The following PKP4 variants were observed in gnomAD, a reference collection of about 807,000 sequenced individuals.
The protein encoded by PKP4 is plakophilin-4.
PKP4 carries 90 observed loss-of-function variants against 145.1 expected under a neutral mutation model. That is an observed-to-expected ratio of 0.62 (90% CI 0.52 to 0.74). PKP4 has a LOEUF of 0.74. PKP4 is among the 30% of genes least tolerant of loss of function. The pLI, the probability that PKP4 is intolerant of heterozygous loss-of-function variation, is 0.00. For missense variants in PKP4, 1,340 were observed against 1,482.7 expected, an observed-to-expected ratio of 0.90 and a Z score of 1.58; for synonymous variants, 563 against 577.2, an observed-to-expected ratio of 0.98 and a Z score of 0.35.
At chr2:158,490,541 A>G (rs1236329000) in intron 1 of PKP4, among the ~76,000 whole-genome samples, 1 of 152,214 alleles carries the variant, frequency 6.6e-6, no homozygotes, top group Non-Finnish European at 1.5e-5. Flanking sequence ...AAGAATAGCT[A>G]ATTTGTCATA....
chr2:158,603,230 A>C (rs1352985449), intron 4 of PKP4, 126 bp downstream of exon 4: 4 of 505,114 alleles, frequency 7.9e-6, no homozygotes, highest in Non-Finnish European at 3.6e-6. Context: ...ATTGCGCTAC[A>C]TTGCTTTGGA....
At chr2:158,485,728 G>C (rs1694070003) in intron 1 of PKP4, among the ~76,000 whole-genome samples, 1 of 152,114 alleles carries the variant, frequency 6.6e-6, no homozygotes, top group Admixed American at 6.6e-5. Context: ...TGAAATTTCT[G>C]TATGCCTACT....
At chr2:158,612,115 GCACACACACACA>G (rs756189075) in intron 4 of PKP4, among the ~76,000 whole-genome samples, 2 of 148,222 alleles carry the variant, frequency 1.3e-5, no homozygotes, top group African/African-American at 4.9e-5. Context: ...CTACACAACT[GCACACACACACA>G]CACACATAAT....
chr2:158,633,697 C>G (rs1176452835), intron 8 of PKP4, among the ~76,000 whole-genome samples: 2 of 152,140 alleles, frequency 1.3e-5, no homozygotes, highest in Non-Finnish European at 2.9e-5. Flanking sequence ...GTTTTAATTA[C>G]TTACAAATTT....
At chr2:158,610,547 A>T (rs1277861284) in intron 4 of PKP4, among the ~76,000 whole-genome samples, 1 of 152,156 alleles carries the variant, frequency 6.6e-6, no homozygotes, top group Non-Finnish European at 1.5e-5. Context: ...ACACCAACTC[A>T]ATAATAAAAA....
intron 2 of PKP4, among the ~76,000 whole-genome samples, chr2:158,559,628 T>A (rs2046357650): frequency 6.6e-6 from 1 of 152,144 alleles, no homozygotes; most frequent in Non-Finnish European, 1.5e-5. Context: ...GGAAGTAAGC[T>A]TGATCTTTTC....
At chr2:158,521,717 T>C (rs2042386997) in intron 1 of PKP4, among the ~76,000 whole-genome samples, 1 of 152,212 alleles carries the variant, frequency 6.6e-6, no homozygotes, top group Non-Finnish European at 1.5e-5. Context: ...TGAAGATGTT[T>C]AACTTTTCAG....
chr2:158,554,464 T>C (rs1263698906), intron 2 of PKP4, among the ~76,000 whole-genome samples: 2 of 151,280 alleles, frequency 1.3e-5, no homozygotes, highest in Admixed American at 1.3e-4. Context: ...CTAGCTCTGT[T>C]GCCCAGGCTG....
chr2:158,679,708 G>A (rs888768929), intron 21 of PKP4, among the ~76,000 whole-genome samples: 1 of 152,208 alleles, frequency 6.6e-6, no homozygotes, highest in Non-Finnish European at 1.5e-5. Context: ...CCCTGTGTGG[G>A]TGCCCACGTG....
chr2:158,533,091 A>T, intron 1 of PKP4, 89 bp from the exon 2 acceptor site: 1 of 1,334,848 alleles, frequency 7.5e-7, no homozygotes, highest in Non-Finnish European at 1.0e-6. Flanking sequence ...ACTGTAGTCT[A>T]CTGTAGTTGC....
At chr2:158,585,461 G>A (rs1222417588) in intron 3 of PKP4, among the ~76,000 whole-genome samples, 3 of 152,196 alleles carry the variant, frequency 2.0e-5, no homozygotes, top group Middle Eastern at 3.4e-3. Flanking sequence ...TGCCCATCAG[G>A]TTTCGATTGA....
At chr2:158,584,127 C>T (rs1026133823) in intron 3 of PKP4, among the ~76,000 whole-genome samples, 3 of 152,174 alleles carry the variant, frequency 2.0e-5, no homozygotes, top group South Asian at 2.1e-4. Flanking sequence ...CCCAGTGATT[C>T]GAGGCCAACT....
In PKP4 at chr2:158,600,935, G is replaced by A. The variant is rs534664876; in HGVS notation, c.246-2135G>A. Reference sequence around the variant, plus strand: ...TTGGTAACCAAAGGTCCTTTCAGCAGCAAAAATGCTGTTTGCTTGATTGTT... The same window carrying A: ...TTGGTAACCAAAGGTCCTTTCAGCAACAAAAATGCTGTTTGCTTGATTGTT... On this transcript the variant is annotated intron_variant, in intron 3 of 21. Coordinates refer to ENST00000389759, the MANE Select transcript of PKP4 (RefSeq NM_003628.6). Among the ~76,000 whole-genome samples, 457 of 152,284 alleles carry A rather than the reference G, an allele frequency of 3.0e-3. 1 individual carries two copies. The highest frequency in any genetic ancestry group is 4.0e-3 in the Non-Finnish European group (273 of 68,008).
intron 3 of PKP4, among the ~76,000 whole-genome samples, chr2:158,590,112 A>G (rs1246091915): frequency 6.6e-6 from 1 of 152,128 alleles, no homozygotes; most frequent in South Asian, 2.1e-4. Flanking sequence ...CTGTTTTTGC[A>G]TAGATTTTTC....
At chr2:158,557,862 T>A (rs1466896266) in intron 2 of PKP4, among the ~76,000 whole-genome samples, 2 of 152,130 alleles carry the variant, frequency 1.3e-5, no homozygotes, top group Non-Finnish European at 2.9e-5. Flanking sequence ...TTGCTAGAAT[T>A]TGTGAGAGTA....
intron 1 of PKP4, among the ~76,000 whole-genome samples, chr2:158,508,315 A>T (rs2041180145): frequency 6.7e-6 from 1 of 150,074 alleles, no homozygotes; most frequent in Non-Finnish European, 1.5e-5. Context: ...GCAGTGAGCC[A>T]AGATCACGCC....
intron 1 of PKP4, among the ~76,000 whole-genome samples, chr2:158,532,859 C>T (rs1048576017): frequency 1.2e-4 from 18 of 151,850 alleles, no homozygotes; most frequent in Non-Finnish European, 2.5e-4. Context: ...CTCTTTTTTT[C>T]TTTTCTGTTG....
At chr2:158,543,465 A>G (rs576944794) in intron 2 of PKP4, among the ~76,000 whole-genome samples, 1 of 152,318 alleles carries the variant, frequency 6.6e-6, no homozygotes, top group South Asian at 2.1e-4. Context: ...AAGAGACAGA[A>G]CAACTGCAAG....
At chr2:158,595,714 T>G (rs1340382469) in intron 3 of PKP4, among the ~76,000 whole-genome samples, 2 of 152,204 alleles carry the variant, frequency 1.3e-5, no homozygotes, top group African/African-American at 2.4e-5. Context: ...AATTTAAGTG[T>G]TTGACAGAAT....
Sources: gnomAD v4.1 joint callset for allele counts (sites outside exome capture counted in the v4.1 genomes callset) on GRCh38, gnomAD v4.1.1 for gene constraint, MANE v1.5 for transcripts, NCBI Gene and HGNC (gene_info 2026-07-23, HGNC 2026-07-21) for gene names.